ANK1: variants seen among roughly 807,000 people sequenced by gnomAD.
The protein encoded by ANK1 is ankyrin-1.
A neutral mutation model predicts 210.4 loss-of-function variants in ANK1; 51 were observed. The ratio of observed to expected loss-of-function variants is 0.24; its 90% CI spans 0.19 to 0.31. The LOEUF is 0.31. ANK1 is among the 10% of genes least tolerant of loss of function. The pLI is 1.00. For synonymous variants in ANK1, 967 were observed against 1,025.9 expected, an observed-to-expected ratio of 0.94 and a Z score of 1.10; for missense variants, 2,051 against 2,504.4, an observed-to-expected ratio of 0.82 and a Z score of 3.86.
chr8:41,819,239 G>A (rs941837464), intron 1 of ANK1, among the ~76,000 whole-genome samples: 2 of 152,160 alleles, frequency 1.3e-5, no homozygotes, highest in African/African-American at 2.4e-5. Context: ...GGGAGACAAA[G>A]GACTTCAGGT....
intron 1 of ANK1, among the ~76,000 whole-genome samples, chr8:41,790,882 T>C (rs901588813): frequency 6.6e-6 from 1 of 152,140 alleles, no homozygotes; most frequent in Non-Finnish European, 1.5e-5. Flanking sequence ...GACTTAGACA[T>C]GTTAGAGGTT....
chr8:41,790,098 TGACAG>T (rs1219249423), intron 1 of ANK1, among the ~76,000 whole-genome samples: 3 of 151,458 alleles, frequency 2.0e-5, no homozygotes, highest in Admixed American at 6.6e-5. Flanking sequence ...CTCCATGCTG[TGACAG>T]GCCAGACTGT....
In ANK1 at chr8:41,672,222, G is replaced by A. The variant is rs1812631107; in HGVS notation, c.5096+132C>T. On this transcript the variant is annotated intron_variant, in intron 38 of 42. Coordinates refer to ENST00000289734, the MANE Select transcript of ANK1 (RefSeq NM_000037.4). ...ATATATGGCATCTGCCAGACTGAAT[G>A]TATGTGCTCCTGTGCAATTAGAACC... The A allele has an allele frequency of 1.2e-5, 12 of 962,644 alleles. No homozygotes were observed. In the East Asian group the frequency reaches 3.1e-4, roughly 25 times the overall value. 59.6% of individuals were successfully genotyped at this position (962,644 alleles called of 1,614,324 possible). A position where few individuals can be genotyped will look rare whatever the true frequency, so the allele number is the denominator to read the frequency against.
At chr8:41,770,027 G>C (rs34900716) in intron 1 of ANK1, among the ~76,000 whole-genome samples, 13,957 of 139,096 alleles carry the variant, frequency 0.1, 799 homozygotes, top group South Asian at 0.13. Flanking sequence ...TGTTGCCCAG[G>C]CTGGAGTGCA....
intron 1 of ANK1, among the ~76,000 whole-genome samples, chr8:41,837,491 C>T (rs1014417221): frequency 6.6e-6 from 1 of 152,184 alleles, no homozygotes; most frequent in Non-Finnish European, 1.5e-5. Flanking sequence ...CATTTCTCCA[C>T]CTGTCAAATG....
chr8:41,827,685 TACACACTCAC>T (rs36211461), intron 1 of ANK1, among the ~76,000 whole-genome samples: 44,106 of 122,556 alleles, frequency 0.36, 7,237 homozygotes, highest in Middle Eastern at 0.5. Flanking sequence ...CCCTCATATA[TACACACTCAC>T]ACACACTCAC....
chr8:41,779,970 C>T (rs911095417), intron 1 of ANK1, among the ~76,000 whole-genome samples: 1 of 152,186 alleles, frequency 6.6e-6, no homozygotes, highest in African/African-American at 2.4e-5. Context: ...GAGACAGAGC[C>T]TAGGGAGGTT....
intron 41 of ANK1, 65 bp from the exon 42 acceptor site, chr8:41,661,629 G>A: frequency 3.7e-6 from 6 of 1,609,608 alleles, no homozygotes; most frequent in Non-Finnish European, 5.1e-6. Context: ...ACAGGCAGAA[G>A]ATCGAAAGGA....
Position 41,699,530 on chromosome 8 carries a change from A to G in ANK1, c.2480T>C (p.Phe827Ser). 6.2e-7 allele frequency: 1 copy of G among 1,614,140 alleles called. No individual in the cohort carries two copies. The highest frequency in any genetic ancestry group is 8.5e-7 in the Non-Finnish European group (1 of 1,180,026). The change falls in exon 23 of 43, where the codon TTC becomes TCC. Residue 827 changes from phenylalanine to serine, a missense_variant. This residue lies in a region of ANK1 where 1,413 missense variants were observed against 1,707.4 expected (regional missense o/e 0.83). Coordinates refer to ENST00000289734, the MANE Select transcript of ANK1 (RefSeq NM_000037.4). Reference protein sequence around the residue: ...SEDEGEELISFKAERRDSRDV... With the variant: ...SEDEGEELISSKAERRDSRDV... ...CCTGGAATCCCGCCTCTCAGCCTTGAAGCTGATGAGTTCTTCCCCTGAAAC... is the reference window on the plus strand; with the variant it reads ...CCTGGAATCCCGCCTCTCAGCCTTGGAGCTGATGAGTTCTTCCCCTGAAAC...
rs1333460452 is a variant in ANK1, at chr8:41,845,596, A to G, written c.126+50759T>C. Among the ~76,000 whole-genome samples the G allele has an allele frequency of 2.6e-5, 4 of 151,934 alleles. No individual in the cohort carries two copies. In the East Asian group the frequency reaches 7.8e-4, roughly 29 times the overall value. Reference sequence around the variant, plus strand: ...GGCTTGGGGGGGTCTGGATCATGAAACAGTGACTCACTCCCTTCCTGCTGC... The same window carrying G: ...GGCTTGGGGGGGTCTGGATCATGAAGCAGTGACTCACTCCCTTCCTGCTGC... On this transcript the variant is annotated intron_variant, in intron 1 of 42. Coordinates refer to the ANK1 transcript ENST00000265709.
intron 1 of ANK1, among the ~76,000 whole-genome samples, chr8:41,877,368 A>G (rs7829586): frequency 0.067 from 10,273 of 152,302 alleles, 1,171 homozygotes; most frequent in African/African-American, 0.23. Flanking sequence ...TTGGAGATGC[A>G]GACAACAGCC....
chr8:41,673,598 G>A (rs1032035960), intron 37 of ANK1, among the ~76,000 whole-genome samples: 1 of 152,132 alleles, frequency 6.6e-6, no homozygotes, highest in African/African-American at 2.4e-5. Context: ...GGCTCAAAAG[G>A]GGCAAGGTCA....
Position 41,837,746 on chromosome 8 carries a change from C to T in ANK1, c.126+58609G>A, listed in dbSNP as rs564162485. On this transcript the variant is annotated intron_variant, in intron 1 of 42. Coordinates refer to the ANK1 transcript ENST00000265709. ...ATCAGCAGGGTGTGGTGGCAGGCAC[C>T]TGTAATCCCAGCTACTCAGGAGGCT... is the stretch of plus-strand genomic sequence containing the variant. 2.7e-4 allele frequency among the ~76,000 whole-genome samples: 41 copies of T among 152,278 alleles called. 1 individual carries two copies. Among genetic ancestry groups the T allele is most frequent in the Admixed American group, 2.6e-3 (40 of 15,288 alleles).
intron 1 of ANK1, among the ~76,000 whole-genome samples, chr8:41,762,518 G>A (rs1218978038): frequency 6.6e-6 from 1 of 152,054 alleles, no homozygotes; most frequent in Admixed American, 6.6e-5. Flanking sequence ...TGTCTGCTAG[G>A]GCGAGGCCTC....
intron 1 of ANK1, among the ~76,000 whole-genome samples, chr8:41,870,948 C>G (rs1815367115): frequency 6.6e-6 from 1 of 152,186 alleles, no homozygotes; most frequent in African/African-American, 2.4e-5. Context: ...GGCACGGGGA[C>G]TGTCTGCCCA....
rs540785520 is a variant in ANK1 at position 41,783,057 on chromosome 8, C to T, written c.27+14455G>A. Among the ~76,000 whole-genome samples the T allele has an allele frequency of 6.4e-4, 98 of 152,294 alleles. 1 individual carries two copies. In the South Asian group the frequency reaches 9.3e-3, roughly 15 times the overall value. On this transcript the variant is annotated intron_variant, in intron 1 of 42. Transcript: ENST00000289734. ...GCAAACTATCAAAGCTCCGCAGGCC[C>T]AGGAGGAGGAAGAAATTAGACGACA...
intron 1 of ANK1, among the ~76,000 whole-genome samples, chr8:41,867,249 T>A (rs908215251): frequency 1.3e-5 from 2 of 152,144 alleles, no homozygotes; most frequent in Admixed American, 1.3e-4. Context: ...GCTTTTCCTC[T>A]CGTCTTGTGA....
Position 41,686,220 on chromosome 8 carries a change from T to C in ANK1, c.4322A>G (p.Asn1441Ser), listed in dbSNP as rs146231479. ...GGCCACACTCTGCTCCAACAGGGAG[T>C]TGGGATTTTCCACTCGGATCCTGTT... ...DINRIRVENP[N>S]SLLEQSVALL... Residue 1441 changes from asparagine (N) to serine (S), a missense_variant, in exon 36 of 43, where the codon AAC becomes AGC. This residue lies in a region of ANK1 where 39 missense variants were observed against 75.1 expected (regional missense o/e 0.52). Coordinates refer to ENST00000289734, the MANE Select transcript of ANK1 (RefSeq NM_000037.4). 15 of 1,613,780 alleles carry C rather than the reference T, an allele frequency of 9.3e-6. No homozygotes were observed. The highest frequency in any genetic ancestry group is 1.3e-5 in the African/African-American group (1 of 74,818).
At chr8:41,690,123 C>T (rs575918277) in intron 33 of ANK1, 104 bp downstream of exon 33, 4 of 1,555,784 alleles carry the variant, frequency 2.6e-6, no homozygotes, top group Non-Finnish European at 3.5e-6. Context: ...TCTAAGCTTC[C>T]ACCAGGAAGA....
Sources: allele counts gnomAD v4.1 joint callset (sites outside exome capture counted in the v4.1 genomes callset), GRCh38; gene constraint gnomAD v4.1.1; regional missense constraint gnomAD v4.1.1; transcripts MANE v1.5; gene names NCBI Gene and HGNC (gene_info 2026-07-23, HGNC 2026-07-21).